Variants in PIK3C2G observed in about 807,000 individuals in gnomAD.
PIK3C2G encodes phosphatidylinositol 3-kinase C2 domain-containing subunit gamma.
In PIK3C2G, 168 loss-of-function variants were observed where a neutral mutation model predicts 181.1. The observed-to-expected ratio is 0.93, with a 90% CI of 0.82 to 1.05. The LOEUF (loss-of-function observed/expected upper bound fraction) is 1.05. Among genes scored for constraint, PIK3C2G ranks in the 50% least tolerant of loss-of-function variants. The pLI is 0.00. For missense variants in PIK3C2G, 1,869 were observed against 1,732.8 expected (o/e 1.08, Z -1.40); for synonymous variants, 573 against 592.2 (o/e 0.97, Z 0.47).
intron 18 of PIK3C2G, among the ~76,000 whole-genome samples, chr12:18,456,093 A>G (rs575488146): frequency 3.7e-4 from 57 of 152,298 alleles, no homozygotes; most frequent in African/African-American, 1.3e-3. Context: ...GTTCTCAAGA[A>G]GAGCTCAGCA....
At chr12:18,649,089 T>C (rs1950308860), downstream of PIK3C2G, among the ~76,000 whole-genome samples, 3 of 152,124 alleles carry the variant, frequency 2.0e-5, no homozygotes, top group Admixed American at 2.0e-4. Flanking sequence ...AGTGAGCCCT[T>C]AATTCTGTAT....
chr12:18,415,157 T>A (rs537078326), intron 16 of PIK3C2G, among the ~76,000 whole-genome samples: 1 of 152,358 alleles, frequency 6.6e-6, no homozygotes, highest in East Asian at 1.9e-4. Flanking sequence ...TACTTTACTG[T>A]AATTCACAGA....
At chr12:18,676,268 C>T in the PIK3C2G span, among the ~76,000 whole-genome samples, 2 of 152,230 alleles carry the variant, frequency 1.3e-5, no homozygotes, top group South Asian at 4.2e-4. Flanking sequence ...TTTACCTGTT[C>T]TCTTTAGCAA....
At chr12:18,273,626 T>A (rs931230871) in intron 1 of PIK3C2G, among the ~76,000 whole-genome samples, 3 of 152,152 alleles carry the variant, frequency 2.0e-5, no homozygotes, top group African/African-American at 7.2e-5. Context: ...ACTGGATCCC[T>A]TCTTTACACC....
chr12:18,494,422 G>A (rs1353654944), intron 20 of PIK3C2G, among the ~76,000 whole-genome samples: 4 of 151,984 alleles, frequency 2.6e-5, no homozygotes, highest in Admixed American at 2.0e-4. Context: ...GTGTGTCTGT[G>A]TGTGTACCAC....
intron 24 of PIK3C2G, among the ~76,000 whole-genome samples, chr12:18,527,274 T>A (rs757334847): frequency 4.5e-4 from 68 of 152,170 alleles, no homozygotes; most frequent in Non-Finnish European, 7.5e-4. Context: ...AATACAAATG[T>A]CTCCTAAACA....
At chr12:18,436,780 C>T (rs1308436575) in intron 18 of PIK3C2G, among the ~76,000 whole-genome samples, 1 of 151,956 alleles carries the variant, frequency 6.6e-6, no homozygotes, top group Non-Finnish European at 1.5e-5. Flanking sequence ...AGTTAAATGA[C>T]TTACAGAATA....
intron 18 of PIK3C2G, among the ~76,000 whole-genome samples, chr12:18,463,190 T>G (rs538339625): frequency 1.3e-5 from 2 of 152,330 alleles, no homozygotes; most frequent in East Asian, 3.9e-4. Flanking sequence ...TTATTCATTG[T>G]CATGGTATAT....
chr12:18,506,331 T>C (rs993820694), intron 24 of PIK3C2G, among the ~76,000 whole-genome samples: 1 of 152,112 alleles, frequency 6.6e-6, no homozygotes, highest in African/African-American at 2.4e-5. Flanking sequence ...ACAGAGGGCA[T>C]ATAGAGTGTG....
chr12:18,268,275 G>A (rs1591784974), intron 1 of PIK3C2G, among the ~76,000 whole-genome samples: 1 of 151,938 alleles, frequency 6.6e-6, no homozygotes, highest in South Asian at 2.1e-4. Context: ...GAATTTTTTT[G>A]TTTGCTTATT....
intron 18 of PIK3C2G, among the ~76,000 whole-genome samples, chr12:18,484,137 G>A (rs950677846): frequency 1.3e-5 from 2 of 152,146 alleles, no homozygotes; most frequent in African/African-American, 4.8e-5. Flanking sequence ...AATCTGACAA[G>A]GGATAAAGAA....
chr12:18,695,976 A>G, the PIK3C2G span, among the ~76,000 whole-genome samples: 1 of 151,980 alleles, frequency 6.6e-6, no homozygotes, highest in Non-Finnish European at 1.5e-5. Flanking sequence ...TTCAACCCAG[A>G]TAGGAATGAC....
chr12:18,640,530 T>C lies in PIK3C2G; in HGVS notation c.4284T>C (p.Cys1428=). 1 of 1,601,748 alleles carries C rather than the reference T, an allele frequency of 6.2e-7. No individual in the cohort carries two copies. The highest frequency in any genetic ancestry group is 8.5e-7 in the Non-Finnish European group (1 of 1,172,844). Residue 1428 remains cysteine, a synonymous_variant, in exon 32 of 33, where the codon TGT becomes TGC. Transcript: ENST00000538779. Reference sequence around the variant, plus strand: ...GGAAAACAAAATCTGTTCCAAAATGTACGGACCCCACTTACAATGAAATTG... The same window carrying C: ...GGAAAACAAAATCTGTTCCAAAATGCACGGACCCCACTTACAATGAAATTG... ...RRRKTKSVPK[C]TDPTYNEIVV...
Position 18,640,394 on chromosome 12 carries a change from C to T in PIK3C2G, c.4183-35C>T, listed in dbSNP as rs781206407. ...CTGTATTTGTTTTCTTTGATAGCAA[C>T]ATGCATTAATATTTATAACCATTTT... is the stretch of plus-strand genomic sequence containing the variant. On this transcript the variant is annotated intron_variant, in intron 31 of 32. Transcript: ENST00000538779. 7.6e-6 allele frequency: 12 copies of T among 1,581,468 alleles called. No homozygotes were observed. The Admixed American group carries it at 2.1e-4, about 28-fold the overall frequency.
intron 1 of PIK3C2G, among the ~76,000 whole-genome samples, chr12:18,263,842 C>G (rs1948359127): frequency 6.6e-6 from 1 of 152,058 alleles, no homozygotes; most frequent in Admixed American, 6.6e-5. Flanking sequence ...TAAAATGTAA[C>G]AATCTATAGA....
chr12:18,427,500 TAAAAA>T (rs59178829), intron 18 of PIK3C2G, among the ~76,000 whole-genome samples: 1 of 114,844 alleles, frequency 8.7e-6, no homozygotes, highest in South Asian at 2.9e-4. Context: ...GAGACTCCAT[TAAAAA>T]AAAAAAAAAA....
rs564035155 is a variant in PIK3C2G, at chr12:18,432,062, G to A, written c.2504+8023G>A. 2.6e-5 allele frequency among the ~76,000 whole-genome samples: 4 copies of A among 152,168 alleles called. No homozygotes were observed. In the East Asian group the frequency reaches 7.7e-4, roughly 29 times the overall value. On this transcript the variant is annotated intron_variant, in intron 18 of 32. Coordinates refer to ENST00000538779, the MANE Select transcript of PIK3C2G (RefSeq NM_001288772.2). ...AGGAACAGTTGTTTTTGTCTGTTTT[G>A]TTTCTATTTTATGCAATAGAGATTT...
intron 20 of PIK3C2G, among the ~76,000 whole-genome samples, chr12:18,492,783 G>T (rs567674417): frequency 3.0e-4 from 46 of 152,264 alleles, no homozygotes; most frequent in African/African-American, 1.1e-3. Context: ...TTACATATAA[G>T]TTTGGCATGT....
the PIK3C2G span, among the ~76,000 whole-genome samples, chr12:18,720,676 G>A: frequency 1.3e-5 from 2 of 151,974 alleles, no homozygotes; most frequent in South Asian, 2.1e-4. Context: ...GGTGACATGA[G>A]CATTCACTTG....
Sources: gnomAD v4.1 joint callset for allele counts (sites outside exome capture counted in the v4.1 genomes callset) on GRCh38, gnomAD v4.1.1 for gene constraint, MANE v1.5 for transcripts, NCBI Gene and HGNC (gene_info 2026-07-23, HGNC 2026-07-21) for gene names.